NCALD: variants seen among roughly 807,000 people sequenced by gnomAD.
NCALD encodes neurocalcin delta, also known as neurocalcin-delta.
Under a neutral mutation model 18.6 loss-of-function variants are expected in NCALD, and 10 were observed. The observed-to-expected ratio is 0.54, with a 90% CI of 0.33 to 0.91. The LOEUF (loss-of-function observed/expected upper bound fraction) is 0.91. NCALD is among the 40% of genes least tolerant of loss of function. The probability of loss-of-function intolerance (pLI) is 0.03; values close to 1 mark genes in which losing one functional copy is unlikely to be tolerated. For synonymous variants in NCALD, 88 were observed against 87.4 expected, an observed-to-expected ratio of 1.01 and a Z score of -0.04; for missense variants, 184 against 247.6, an observed-to-expected ratio of 0.74 and a Z score of 1.72.
intron 2 of NCALD, among the ~76,000 whole-genome samples, chr8:101,705,456 A>T (rs907382616): frequency 6.6e-6 from 1 of 151,938 alleles, no homozygotes; most frequent in African/African-American, 2.4e-5. Context: ...TTTTCCAAAA[A>T]CGGCCAGAAC....
chr8:101,772,181 G>T (rs1473752199), intron 1 of NCALD, among the ~76,000 whole-genome samples: 6 of 152,180 alleles, frequency 3.9e-5, no homozygotes, highest in Admixed American at 3.9e-4. Context: ...AAACTAGTTT[G>T]GGAAACGTGT....
chr8:101,980,550 G>C (rs900491040), intron 2 of NCALD, among the ~76,000 whole-genome samples: 2 of 152,190 alleles, frequency 1.3e-5, no homozygotes, highest in Non-Finnish European at 2.9e-5. Flanking sequence ...AGTGAAAAAT[G>C]AGGAATAGCC....
chr8:101,981,716 C>A (rs1315039122), intron 2 of NCALD, among the ~76,000 whole-genome samples: 1 of 152,180 alleles, frequency 6.6e-6, no homozygotes, highest in African/African-American at 2.4e-5. Flanking sequence ...TCTGCTGAAC[C>A]TGGCTTTTTA....
rs117509866 is a variant in NCALD at position 101,854,982 on chromosome 8, G to A, written c.-20+32159C>T. 3.0e-4 allele frequency among the ~76,000 whole-genome samples: 46 copies of A among 152,228 alleles called. No homozygotes were observed. In the East Asian group the frequency reaches 7.7e-3, roughly 26 times the overall value. On this transcript the variant is annotated intron_variant, in intron 4 of 6. Transcript: ENST00000311028. ...TGCCCACACAAATATAGCAGCAAGG[G>A]CAGGGTTGGGTTAGAAGTGAGCACA...
intron 4 of NCALD, among the ~76,000 whole-genome samples, chr8:101,856,716 G>A (rs1008575997): frequency 1.3e-5 from 2 of 152,056 alleles, no homozygotes; most frequent in African/African-American, 4.8e-5. Context: ...TGGAAACCAG[G>A]CTCATCCTAC....
At chr8:101,742,710 G>C (rs1399656085) in intron 1 of NCALD, among the ~76,000 whole-genome samples, 2 of 152,098 alleles carry the variant, frequency 1.3e-5, no homozygotes, top group Non-Finnish European at 2.9e-5. Context: ...GAACGTGCAG[G>C]TAGGTTTGTT....
intron 3 of NCALD, 122 bp downstream of exon 3, chr8:101,692,669 C>G: frequency 7.2e-7 from 1 of 1,387,796 alleles, no homozygotes; most frequent in Non-Finnish European, 9.7e-7. Context: ...CCTACCCACC[C>G]AGGAGGCTTG....
intron 4 of NCALD, among the ~76,000 whole-genome samples, chr8:101,820,500 T>A (rs1297014602): frequency 6.6e-6 from 1 of 152,162 alleles, no homozygotes; most frequent in Admixed American, 6.6e-5. Context: ...AGAGTTATGA[T>A]TTGAATTTAG....
chr8:102,123,082 G>A (rs1182607147), intron 1 of NCALD, among the ~76,000 whole-genome samples: 1 of 152,200 alleles, frequency 6.6e-6, no homozygotes, highest in Non-Finnish European at 1.5e-5. Context: ...CTCCCAATTG[G>A]AGTGAAAAAC....
At chr8:101,864,945 T>C (rs489973) in intron 4 of NCALD, among the ~76,000 whole-genome samples, 40,384 of 152,070 alleles carry the variant, frequency 0.27, 5,781 homozygotes, top group East Asian at 0.38. Context: ...AATCTTTATC[T>C]GTCTTAAGGA....
intron 1 of NCALD, among the ~76,000 whole-genome samples, chr8:101,725,590 G>A (rs1366985831): frequency 6.6e-6 from 1 of 152,172 alleles, no homozygotes; most frequent in Non-Finnish European, 1.5e-5. Context: ...TTAGCCATCC[G>A]CAGACAGCAA....
At chr8:101,716,705 C>G (rs1816102651) in intron 2 of NCALD, among the ~76,000 whole-genome samples, 1 of 152,118 alleles carries the variant, frequency 6.6e-6, no homozygotes, top group Non-Finnish European at 1.5e-5. Flanking sequence ...CGTTAACTTG[C>G]ACAGGAAGAC....
At chr8:101,944,298 A>G (rs1009866393) in intron 2 of NCALD, among the ~76,000 whole-genome samples, 6 of 152,344 alleles carry the variant, frequency 3.9e-5, no homozygotes, top group East Asian at 1.9e-4. Flanking sequence ...CAGGCTGCTT[A>G]TGTGTACCCT....
chr8:101,771,932 C>T lies in NCALD; in HGVS notation c.-20+18930G>A, dbSNP rs1051501902. The stretch of plus-strand genomic sequence containing the variant: ...ATTATTCCACAAATAGGCACTGAGT[C>T]GCAATTATGTGCCAGACAGAATATG... On this transcript the variant is annotated intron_variant, in intron 1 of 3. Coordinates refer to ENST00000220931, the MANE Select transcript of NCALD (RefSeq NM_032041.3). 7.2e-5 allele frequency among the ~76,000 whole-genome samples: 11 copies of T among 152,170 alleles called. No homozygotes were observed. The East Asian group carries it at 1.3e-3, about 19-fold the overall frequency.
intron 4 of NCALD, among the ~76,000 whole-genome samples, chr8:101,820,346 A>G (rs1322782546): frequency 6.6e-6 from 1 of 152,360 alleles, no homozygotes; most frequent in East Asian, 1.9e-4. Context: ...CACTCAAAAT[A>G]TATTTGATTA....
At chr8:101,691,766 G>A (rs1307096710) in intron 3 of NCALD, 1 of 985,192 alleles carries the variant, frequency 1.0e-6, no homozygotes, top group Non-Finnish European at 1.2e-6. Flanking sequence ...CCTGGGCGGG[G>A]GATAAAAGGA....
intron 2 of NCALD, among the ~76,000 whole-genome samples, chr8:101,712,323 G>A (rs115452734): frequency 0.026 from 3,903 of 152,054 alleles, 134 homozygotes; most frequent in African/African-American, 0.078. Flanking sequence ...TGCAAAGACC[G>A]TCAACACTAT....
chr8:102,115,029 C>G (rs1825742880), intron 1 of NCALD, among the ~76,000 whole-genome samples: 2 of 152,246 alleles, frequency 1.3e-5, no homozygotes, highest in African/African-American at 4.8e-5. Flanking sequence ...GCCCCATACT[C>G]AGCAGGGCCC....
At chr8:102,041,648 C>T (rs1823054168) in intron 1 of NCALD, among the ~76,000 whole-genome samples, 1 of 152,196 alleles carries the variant, frequency 6.6e-6, no homozygotes, top group Non-Finnish European at 1.5e-5. Context: ...GGAATGCAGA[C>T]ACTGAACAAA....
Sources: gnomAD v4.1 joint callset for allele counts (sites outside exome capture counted in the v4.1 genomes callset) on GRCh38, gnomAD v4.1.1 for gene constraint, MANE v1.5 for transcripts, NCBI Gene and HGNC (gene_info 2026-07-23, HGNC 2026-07-21) for gene names.